Variants in PDE10A observed in about 807,000 individuals in gnomAD.
PDE10A encodes phosphodiesterase 10A.
PDE10A carries 39 observed loss-of-function variants against 97.7 expected under a neutral mutation model. That is an observed-to-expected ratio of 0.40 (90% CI 0.31 to 0.52). The LOEUF (loss-of-function observed/expected upper bound fraction) is 0.52. Among genes scored for constraint, PDE10A ranks in the 20% least tolerant of loss-of-function variants. The probability of loss-of-function intolerance (pLI) is 0.56; values close to 1 mark genes in which losing one functional copy is unlikely to be tolerated. For synonymous variants in PDE10A, 371 were observed against 376.8 expected (o/e 0.98, Z 0.18); for missense variants, 731 against 1,047.8 (o/e 0.70, Z 4.17).
intron 1 of PDE10A, among the ~76,000 whole-genome samples, chr6:165,967,927 C>A (rs1332170167): frequency 1.3e-5 from 2 of 152,242 alleles, no homozygotes; most frequent in Admixed American, 1.3e-4. Context: ...ACTCTGCTAA[C>A]CTTCCTGTAA....
intron 1 of PDE10A, among the ~76,000 whole-genome samples, chr6:165,976,372 T>G (rs996436755): frequency 1.3e-5 from 2 of 152,170 alleles, no homozygotes; most frequent in Admixed American, 6.5e-5. Flanking sequence ...TGATTCTACA[T>G]TGAAAACAGG....
At chr6:165,468,709 T>C (rs574120979) in intron 3 of PDE10A, among the ~76,000 whole-genome samples, 36 of 152,360 alleles carry the variant, frequency 2.4e-4, no homozygotes, top group Non-Finnish European at 4.1e-4. Flanking sequence ...TATCAACTTG[T>C]GAAAACACTT....
chr6:165,806,649 G>C (rs975291670), intron 1 of PDE10A, among the ~76,000 whole-genome samples: 6 of 150,160 alleles, frequency 4.0e-5, no homozygotes, highest in East Asian at 4.0e-4. Context: ...TCTGCTGAGC[G>C]CCCCCCCCCA....
At chr6:165,477,185 G>A (rs777748754) in intron 3 of PDE10A, among the ~76,000 whole-genome samples, 1 of 152,120 alleles carries the variant, frequency 6.6e-6, no homozygotes, top group African/African-American at 2.4e-5. Flanking sequence ...CTCCAGGGAT[G>A]TGCCAAGCAT....
intron 1 of PDE10A, among the ~76,000 whole-genome samples, chr6:165,895,802 C>T (rs1190941380): frequency 1.3e-5 from 2 of 152,170 alleles, no homozygotes; most frequent in Non-Finnish European, 2.9e-5. Flanking sequence ...ATCCTCAGTA[C>T]TTTCATTCCG....
chr6:165,389,466 G>T (rs1785530231), intron 16 of PDE10A, among the ~76,000 whole-genome samples: 1 of 152,192 alleles, frequency 6.6e-6, no homozygotes, highest in Admixed American at 6.5e-5. Flanking sequence ...AGTGTGAAAA[G>T]AAAGGACATG....
chr6:165,465,753 G>A (rs1214359215), intron 3 of PDE10A, among the ~76,000 whole-genome samples: 1 of 152,088 alleles, frequency 6.6e-6, no homozygotes, highest in East Asian at 1.9e-4. Context: ...GAGAATAGGG[G>A]GAAATCGCCC....
intron 1 of PDE10A, among the ~76,000 whole-genome samples, chr6:165,726,533 G>T (rs771354836): frequency 1.9e-4 from 29 of 150,024 alleles, no homozygotes; most frequent in Non-Finnish European, 3.8e-4. Context: ...AGCACCGGGG[G>T]AGAGGAGAGC....
intron 1 of PDE10A, among the ~76,000 whole-genome samples, chr6:165,694,809 CA>C (rs1373398600): frequency 1.3e-5 from 2 of 151,810 alleles, no homozygotes; most frequent in Non-Finnish European, 2.9e-5. Context: ...AAAATTAGAA[CA>C]AAATCAGGCT....
At chr6:165,796,561 G>A (rs1778839114) in intron 1 of PDE10A, among the ~76,000 whole-genome samples, 1 of 152,178 alleles carries the variant, frequency 6.6e-6, no homozygotes, top group Admixed American at 6.5e-5. Flanking sequence ...TTATGTGTAA[G>A]CATCAGTTAG....
chr6:165,947,229 C>T (rs963517415), intron 1 of PDE10A: 7 of 152,140 alleles, frequency 4.6e-5, no homozygotes, highest in Non-Finnish European at 2.9e-5. Flanking sequence ...AGCTGAAAAT[C>T]AGATCTAAAC....
intron 1 of PDE10A, among the ~76,000 whole-genome samples, chr6:165,635,664 A>G (rs997780826): frequency 5.9e-5 from 9 of 152,242 alleles, no homozygotes; most frequent in South Asian, 2.1e-4. Flanking sequence ...GAGGTTTCAA[A>G]TAAGTACTTA....
At chr6:165,581,350 T>C (rs764539534) in intron 1 of PDE10A, among the ~76,000 whole-genome samples, 4 of 152,196 alleles carry the variant, frequency 2.6e-5, no homozygotes, top group Non-Finnish European at 5.9e-5. Context: ...AATTAGGTCA[T>C]GAGAGTAGAG....
At chr6:165,684,478 C>T (rs557323219) in intron 1 of PDE10A, among the ~76,000 whole-genome samples, 1 of 152,354 alleles carries the variant, frequency 6.6e-6, no homozygotes, top group African/African-American at 2.4e-5. Flanking sequence ...GGCTCCTTTC[C>T]TGTTTGGCAA....
intron 2 of PDE10A, among the ~76,000 whole-genome samples, chr6:165,538,739 G>A (rs1019138807): frequency 3.3e-5 from 5 of 152,086 alleles, no homozygotes; most frequent in Non-Finnish European, 4.4e-5. Flanking sequence ...GGCATTAGTG[G>A]TGGGAAATTG....
chr6:165,392,175 C>T (rs1785770346), intron 16 of PDE10A, among the ~76,000 whole-genome samples: 1 of 152,196 alleles, frequency 6.6e-6, no homozygotes, highest in South Asian at 2.1e-4. Context: ...GGATATGTCA[C>T]TAACTCTGGG....
rs536320381 is a variant in PDE10A, at chr6:165,609,136, G to T, written c.865+52811C>A. ...AATTAGATCCCATTTGTCAATTTTG[G>T]CTTTTGTTGCCATTGCTTTTGGTGT... On this transcript the variant is annotated intron_variant, in intron 1 of 21. Coordinates refer to ENST00000539869, the MANE Select transcript of PDE10A (RefSeq NM_001385079.1). 2.2e-4 allele frequency among the ~76,000 whole-genome samples: 34 copies of T among 152,136 alleles called. 1 individual carries two copies. Among genetic ancestry groups the T allele is most frequent in the African/African-American group, 7.0e-4 (29 of 41,510 alleles).
intron 1 of PDE10A, among the ~76,000 whole-genome samples, chr6:165,605,011 G>A (rs1479550312): frequency 6.6e-6 from 1 of 152,174 alleles, no homozygotes; most frequent in East Asian, 1.9e-4. Context: ...CACATTAGAA[G>A]TGTGGTAGCT....
chr6:165,653,749 A>G (rs1044125035), intron 1 of PDE10A, among the ~76,000 whole-genome samples: 2 of 152,196 alleles, frequency 1.3e-5, no homozygotes, highest in African/African-American at 2.4e-5. Context: ...AACATGCACT[A>G]AATATCTGCA....
Sources: gnomAD v4.1 joint callset for allele counts (sites outside exome capture counted in the v4.1 genomes callset) on GRCh38, gnomAD v4.1.1 for gene constraint, MANE v1.5 for transcripts, NCBI Gene and HGNC (gene_info 2026-07-23, HGNC 2026-07-21) for gene names.